CYP4Z1: variants seen among roughly 807,000 people sequenced by gnomAD.
CYP4Z1 encodes cytochrome P450 4Z1.
Under a neutral mutation model 54.2 loss-of-function variants are expected in CYP4Z1, and 41 were observed. The observed-to-expected ratio is 0.76, with a 90% CI of 0.59 to 0.98. The LOEUF (loss-of-function observed/expected upper bound fraction) is 0.98. Among genes scored for constraint, CYP4Z1 ranks in the 50% least tolerant of loss-of-function variants. CYP4Z1 has a pLI of 0.00. For missense variants in CYP4Z1, 513 were observed against 599.0 expected, an observed-to-expected ratio of 0.86 and a Z score of 1.50; for synonymous variants, 163 against 206.2, an observed-to-expected ratio of 0.79 and a Z score of 1.79.
intron 7 of CYP4Z1, chr1:47,097,271 A>G (rs1644684903): frequency 6.6e-6 from 1 of 152,206 alleles, no homozygotes; most frequent in Non-Finnish European, 1.5e-5. Context: ...TGCAGTGAAC[A>G]TACATGTGCA....
Position 47,082,339 on chromosome 1 carries a change from G to A in CYP4Z1, c.370G>A (p.Gly124Arg), listed in dbSNP as rs772732845. 6.2e-7 allele frequency: 1 copy of A among 1,604,000 alleles called. No individual in the cohort carries two copies. Among genetic ancestry groups the A allele is most frequent in the East Asian group, 2.2e-5 (1 of 44,766 alleles). The change falls in exon 4 of 12, where the codon GGA (glycine) becomes AGA (arginine). Residue 124 changes from glycine to arginine, a missense_variant. Transcript: ENST00000334194. The part of the protein sequence containing the change: ...HKILESWVGR[G>R]LVTLDGSKWK... The stretch of plus-strand genomic sequence containing the variant: ...TGCCCCTCTCATTTCATAAGGTCGA[G>A]GACTTGTGACCCTGGATGGTTCTAA...
chr1:47,102,116 G>C (rs1378150200), intron 8 of CYP4Z1, among the ~76,000 whole-genome samples: 1 of 151,898 alleles, frequency 6.6e-6, no homozygotes, highest in African/African-American at 2.4e-5. Context: ...TTTTTCCATT[G>C]CTTTACTTTC....
chr1:47,059,606 G>C, the CYP4Z1 span, among the ~76,000 whole-genome samples: 78 of 152,044 alleles, frequency 5.1e-4, no homozygotes, highest in African/African-American at 1.8e-3. Context: ...ATCATGTCTG[G>C]TTTTGGCATA....
At chr1:47,104,726 G>C (rs572418775) in intron 8 of CYP4Z1, among the ~76,000 whole-genome samples, 22 of 152,272 alleles carry the variant, frequency 1.4e-4, no homozygotes, top group Admixed American at 7.2e-4. Context: ...GCCCTAGACA[G>C]CATGCTCAGG....
chr1:47,055,808 CT>C, the CYP4Z1 span, among the ~76,000 whole-genome samples: 1 of 152,236 alleles, frequency 6.6e-6, no homozygotes, highest in African/African-American at 2.4e-5. Context: ...ATTCTTCTCT[CT>C]TTTCTTCTTT....
chr1:47,100,028 C>T (rs1644710168), intron 8 of CYP4Z1, among the ~76,000 whole-genome samples: 1 of 151,866 alleles, frequency 6.6e-6, no homozygotes, highest in African/African-American at 2.4e-5. Context: ...ACTTTAATAA[C>T]ATTCATTCTT....
intron 2 of CYP4Z1, among the ~76,000 whole-genome samples, chr1:47,074,513 TTTAG>T (rs1339611417): frequency 6.6e-6 from 1 of 152,170 alleles, no homozygotes; most frequent in Admixed American, 6.5e-5. Flanking sequence ...TTGGTACATT[TTTAG>T]TTAATTTTTG....
intron 8 of CYP4Z1, among the ~76,000 whole-genome samples, chr1:47,103,337 G>T (rs1009955836): frequency 6.9e-6 from 1 of 144,498 alleles, no homozygotes; most frequent in Non-Finnish European, 1.5e-5. Flanking sequence ...GTGCCACCAT[G>T]CCTGGCTAAT....
intron 6 of CYP4Z1, among the ~76,000 whole-genome samples, chr1:47,093,206 TGA>T (rs1262638968): frequency 6.7e-6 from 1 of 148,858 alleles, no homozygotes; most frequent in African/African-American, 2.5e-5. Context: ...GAAAAAGATG[TGA>T]GAGTTCTTTT....
chr1:47,067,798 A>G, intron 1 of CYP4Z1, 131 bp downstream of exon 1: 11 of 820,028 alleles, frequency 1.3e-5, no homozygotes, highest in Non-Finnish European at 1.9e-5. Flanking sequence ...TGATTTTTAC[A>G]AAAATTCTAT....
intron 4 of CYP4Z1, among the ~76,000 whole-genome samples, chr1:47,083,315 C>T (rs1186037334): frequency 7.2e-5 from 11 of 152,162 alleles, no homozygotes; most frequent in African/African-American, 2.2e-4. Context: ...ACCATGCCCA[C>T]GTCCCACTCC....
At chr1:47,061,545 C>G in the CYP4Z1 span, among the ~76,000 whole-genome samples, 1 of 152,112 alleles carries the variant, frequency 6.6e-6, no homozygotes, top group African/African-American at 2.4e-5. Context: ...AATAAATAGT[C>G]TACCATCCCA....
Position 47,117,940 on chromosome 1 carries a change from A to G in CYP4Z1, c.*6A>G, listed in dbSNP as rs1326992028. 6.2e-7 allele frequency: 1 copy of G among 1,612,624 alleles called. No homozygotes were observed. Among genetic ancestry groups the G allele is most frequent in the Non-Finnish European group, 8.5e-7 (1 of 1,179,364 alleles). ...TTGCAAAAAAAGTTTGCTAATTTTAAGTCCTTTCGTATAAGAATTAATGAG... is the reference window on the plus strand; with the variant it reads ...TTGCAAAAAAAGTTTGCTAATTTTAGGTCCTTTCGTATAAGAATTAATGAG... On this transcript the variant is annotated 3_prime_UTR_variant, in exon 12 of 12. Coordinates refer to ENST00000334194, the MANE Select transcript of CYP4Z1 (RefSeq NM_178134.3).
intron 8 of CYP4Z1, among the ~76,000 whole-genome samples, chr1:47,099,530 C>T (rs1644705239): frequency 6.6e-6 from 1 of 152,142 alleles, no homozygotes; most frequent in South Asian, 2.1e-4. Flanking sequence ...GGCAATAGTA[C>T]AACTGCGGAA....
intron 6 of CYP4Z1, among the ~76,000 whole-genome samples, chr1:47,092,372 A>C (rs887508299): frequency 2.6e-5 from 4 of 151,876 alleles, no homozygotes; most frequent in African/African-American, 9.7e-5. Context: ...CTAAGGTGCT[A>C]TCTGGTCCTA....
At chr1:47,055,623 C>CA in the CYP4Z1 span, among the ~76,000 whole-genome samples, 1 of 152,122 alleles carries the variant, frequency 6.6e-6, no homozygotes, top group African/African-American at 2.4e-5. Flanking sequence ...TTCAGAGATT[C>CA]AACTTCTTCC....
chr1:47,100,461 A>G (rs144393890), intron 8 of CYP4Z1, among the ~76,000 whole-genome samples: 2 of 152,194 alleles, frequency 1.3e-5, no homozygotes, highest in Non-Finnish European at 2.9e-5. Context: ...ATCTCCTGCC[A>G]TCTCCCTCTG....
At chr1:47,087,029 C>A (rs1476699514) in intron 6 of CYP4Z1, among the ~76,000 whole-genome samples, 3 of 152,076 alleles carry the variant, frequency 2.0e-5, no homozygotes, top group Non-Finnish European at 4.4e-5. Context: ...TTTCTGAGGG[C>A]TCTGTTCTGT....
At chr1:47,092,653 A>G (rs1350345891) in intron 6 of CYP4Z1, among the ~76,000 whole-genome samples, 2 of 151,998 alleles carry the variant, frequency 1.3e-5, no homozygotes, top group Non-Finnish European at 2.9e-5. Context: ...TGTTTTTGCT[A>G]TTTCTTCACT....
Sources: allele counts gnomAD v4.1 joint callset (sites outside exome capture counted in the v4.1 genomes callset), GRCh38; gene constraint gnomAD v4.1.1; transcripts MANE v1.5; gene names NCBI Gene and HGNC (gene_info 2026-07-23, HGNC 2026-07-21).